SGCD: variants seen among roughly 807,000 people sequenced by gnomAD.
SGCD encodes delta-sarcoglycan.
In SGCD, 18 loss-of-function variants were observed where a neutral mutation model predicts 36.6. The observed-to-expected ratio is 0.49, with a 90% CI of 0.34 to 0.73. SGCD has a LOEUF of 0.73. Ranked by LOEUF, SGCD falls within the 30% of genes least tolerant of loss-of-function variation. The pLI, the probability that SGCD is intolerant of heterozygous loss-of-function variation, is 0.01. For missense variants in SGCD, 387 were observed against 346.7 expected (o/e 1.12, Z -0.92); for synonymous variants, 133 against 130.6 (o/e 1.02, Z -0.12).
intron 1 of SGCD, among the ~76,000 whole-genome samples, chr5:156,061,918 ACTT>A (rs1481349655): frequency 1.1e-5 from 1 of 91,166 alleles, no homozygotes; most frequent in African/African-American, 4.3e-5. Context: ...AGGAGTTTTC[ACTT>A]TTTTTTTTTT....
At chr5:156,103,624 T>A (rs1215012146) in intron 1 of SGCD, among the ~76,000 whole-genome samples, 2 of 152,128 alleles carry the variant, frequency 1.3e-5, no homozygotes, top group East Asian at 3.8e-4. Flanking sequence ...AATTTGGACC[T>A]AATTTGTTGG....
At chr5:156,072,972 TC>T (rs1463114860) in intron 1 of SGCD, among the ~76,000 whole-genome samples, 1 of 152,208 alleles carries the variant, frequency 6.6e-6, no homozygotes, top group Admixed American at 6.5e-5. Flanking sequence ...GCCTTGGCTT[TC>T]AGCTCCATCA....
intron 1 of SGCD, among the ~76,000 whole-genome samples, chr5:156,077,414 G>A (rs1760814716): frequency 6.6e-6 from 1 of 152,014 alleles, no homozygotes; most frequent in African/African-American, 2.4e-5. Flanking sequence ...AAATATTCCT[G>A]CTGTTAGTAA....
intron 7 of SGCD, among the ~76,000 whole-genome samples, chr5:156,693,088 T>G (rs555022288): frequency 6.6e-6 from 1 of 152,174 alleles, no homozygotes; most frequent in African/African-American, 2.4e-5. Context: ...CACAGAATAA[T>G]GTACTGTTTT....
the SGCD span, among the ~76,000 whole-genome samples, chr5:155,807,010 AAC>A: frequency 1.3e-5 from 2 of 152,220 alleles, no homozygotes; most frequent in Admixed American, 6.5e-5. Context: ...GATAAATAAT[AAC>A]ACATGTGCAT....
chr5:155,774,855 G>A, the SGCD span, among the ~76,000 whole-genome samples: 1 of 152,110 alleles, frequency 6.6e-6, no homozygotes, highest in Non-Finnish European at 1.5e-5. Context: ...ATTTCTGGAG[G>A]CCACTATTCA....
chr5:156,090,847 A>G (rs1761222320), intron 1 of SGCD, among the ~76,000 whole-genome samples: 1 of 152,182 alleles, frequency 6.6e-6, no homozygotes, highest in Non-Finnish European at 1.5e-5. Flanking sequence ...GAATTCAGTG[A>G]TATTTCTCCT....
chr5:156,425,117 C>A (rs554423531), intron 3 of SGCD, among the ~76,000 whole-genome samples: 1 of 152,200 alleles, frequency 6.6e-6, no homozygotes, highest in Non-Finnish European at 1.5e-5. Flanking sequence ...TATAAGCAAC[C>A]CTTTCAAAGG....
At chr5:156,671,622 T>C (rs537365681) in intron 7 of SGCD, among the ~76,000 whole-genome samples, 131 of 152,300 alleles carry the variant, frequency 8.6e-4, no homozygotes, top group African/African-American at 3.1e-3. Flanking sequence ...GAAAGTTTTG[T>C]GTACATAGAT....
At chr5:156,176,121 G>GTGTGTGTGTGTGTT (rs1172301381) in intron 3 of SGCD, among the ~76,000 whole-genome samples, 2 of 67,824 alleles carry the variant, frequency 2.9e-5, no homozygotes, top group Non-Finnish European at 5.7e-5. Context: ...AATATACTTT[G>GTGTGTGTGTGTGTT]TGTGTGTGTG....
At chr5:156,562,605 A>C (rs1276637406) in intron 4 of SGCD, among the ~76,000 whole-genome samples, 1 of 152,036 alleles carries the variant, frequency 6.6e-6, no homozygotes, top group Non-Finnish European at 1.5e-5. Flanking sequence ...TTTTGAGGAG[A>C]GGAAACGCAG....
At chr5:156,291,955 T>C (rs1179832856) in intron 3 of SGCD, among the ~76,000 whole-genome samples, 3 of 152,138 alleles carry the variant, frequency 2.0e-5, no homozygotes, top group Non-Finnish European at 2.9e-5. Flanking sequence ...AACTTATTCC[T>C]TCTGTTTAAC....
intron 3 of SGCD, among the ~76,000 whole-genome samples, chr5:156,158,655 G>A (rs992150872): frequency 1.3e-5 from 2 of 151,612 alleles, no homozygotes; most frequent in Admixed American, 6.6e-5. Flanking sequence ...GCCTTCCGGG[G>A]TACTCAGCAT....
At chr5:156,291,295 C>T (rs72811747) in intron 3 of SGCD, among the ~76,000 whole-genome samples, 40,418 of 151,894 alleles carry the variant, frequency 0.27, 6,692 homozygotes, top group Non-Finnish European at 0.37. Context: ...TCAAGGTGAT[C>T]GACATCCCAA....
At chr5:156,006,552 G>C (rs1312729893) in intron 1 of SGCD, among the ~76,000 whole-genome samples, 11 of 152,052 alleles carry the variant, frequency 7.2e-5, no homozygotes, top group African/African-American at 2.4e-4. Flanking sequence ...CCATAGCTGA[G>C]AGCCGGAAAA....
intron 3 of SGCD, among the ~76,000 whole-genome samples, chr5:156,493,505 C>T (rs1256978986): frequency 2.6e-5 from 4 of 152,068 alleles, no homozygotes; most frequent in African/African-American, 9.7e-5. Context: ...TCACTGTTAC[C>T]AGGCTATCTG....
chr5:156,201,818 C>T (rs572114046), intron 3 of SGCD, among the ~76,000 whole-genome samples: 95 of 151,794 alleles, frequency 6.3e-4, no homozygotes, highest in African/African-American at 2.1e-3. Context: ...TGAAAGAATG[C>T]TGAGTTTTTG....
intron 3 of SGCD, among the ~76,000 whole-genome samples, chr5:156,228,597 T>G (rs148296017): frequency 1.7e-3 from 261 of 152,338 alleles, no homozygotes; most frequent in African/African-American, 5.9e-3. Context: ...AATTCTGCAA[T>G]TCTATATCTT....
the SGCD span, among the ~76,000 whole-genome samples, chr5:155,863,021 A>C: frequency 6.6e-6 from 1 of 152,214 alleles, no homozygotes; most frequent in Non-Finnish European, 1.5e-5. Context: ...AGTGCATTCT[A>C]TCTCTGTTTC....
Sources: allele counts gnomAD v4.1 joint callset (sites outside exome capture counted in the v4.1 genomes callset), GRCh38; gene constraint gnomAD v4.1.1; transcripts MANE v1.5; gene names NCBI Gene and HGNC (gene_info 2026-07-23, HGNC 2026-07-21).